ARHGEF28: variants seen among roughly 807,000 people sequenced by gnomAD.
ARHGEF28 encodes the protein Rho guanine nucleotide exchange factor 28, also known as 190 kDa guanine nucleotide exchange factor.
Under a neutral mutation model 206.6 loss-of-function variants are expected in ARHGEF28, and 152 were observed. That is an observed-to-expected ratio of 0.74 (90% CI 0.64 to 0.84). ARHGEF28 has a LOEUF of 0.84. ARHGEF28 is among the 40% of genes least tolerant of loss of function. The pLI is 0.00. For missense variants in ARHGEF28, 2,028 were observed against 2,073.2 expected, an observed-to-expected ratio of 0.98 and a Z score of 0.42; for synonymous variants, 763 against 776.4, an observed-to-expected ratio of 0.98 and a Z score of 0.29.
intron 2 of ARHGEF28, among the ~76,000 whole-genome samples, chr5:73,737,477 C>CTTTTCTT (rs1751037437): frequency 1.8e-5 from 2 of 112,744 alleles, no homozygotes; most frequent in East Asian, 4.8e-4. Flanking sequence ...CTTTTCTTTT[C>CTTTTCTT]TTTTCTTTTC....
intron 2 of ARHGEF28, among the ~76,000 whole-genome samples, chr5:73,731,488 C>T (rs952799527): frequency 6.6e-6 from 1 of 152,280 alleles, no homozygotes; most frequent in East Asian, 1.9e-4. Flanking sequence ...GATACTGTGG[C>T]ACAGTCATCA....
chr5:73,695,425 A>G (rs527332433), intron 2 of ARHGEF28, among the ~76,000 whole-genome samples: 1 of 152,202 alleles, frequency 6.6e-6, no homozygotes, highest in South Asian at 2.1e-4. Context: ...AGACTCCCAC[A>G]TGTGGGCCCT....
intron 9 of ARHGEF28, chr5:73,803,222 C>G (rs1239566352): frequency 6.4e-6 from 1 of 157,278 alleles, no homozygotes; most frequent in Non-Finnish European, 1.5e-5. Flanking sequence ...TGTATACTTA[C>G]TCTGATACTT....
At chr5:73,746,718 G>C (rs1031122904) in intron 2 of ARHGEF28, among the ~76,000 whole-genome samples, 2 of 151,972 alleles carry the variant, frequency 1.3e-5, no homozygotes, top group Admixed American at 6.6e-5. Context: ...TTATTGAATT[G>C]TCCATTCTTT....
chr5:73,928,860 A>C (rs1242069738), intron 35 of ARHGEF28, among the ~76,000 whole-genome samples: 1 of 152,124 alleles, frequency 6.6e-6, no homozygotes, highest in Non-Finnish European at 1.5e-5. Flanking sequence ...TGAGAATACT[A>C]CCCCATTCTT....
intron 1 of ARHGEF28, among the ~76,000 whole-genome samples, chr5:73,627,651 C>T (rs1743089817): frequency 6.6e-6 from 1 of 152,148 alleles, no homozygotes. Context: ...TATGGCAAAA[C>T]CCTTTGGAAT....
chr5:73,837,450 A>G (rs1226700071), intron 10 of ARHGEF28, among the ~76,000 whole-genome samples: 1 of 151,980 alleles, frequency 6.6e-6, no homozygotes, highest in Admixed American at 6.6e-5. Flanking sequence ...TTCTGCTGCC[A>G]TATTTTCTTA....
chr5:73,627,605 G>A (rs1743086878), intron 1 of ARHGEF28, among the ~76,000 whole-genome samples: 1 of 152,240 alleles, frequency 6.6e-6, no homozygotes, highest in East Asian at 1.9e-4. Flanking sequence ...AATAGCCAAA[G>A]TAACCCCTTT....
chr5:73,714,313 G>T (rs1486119477), intron 2 of ARHGEF28, among the ~76,000 whole-genome samples: 1 of 152,190 alleles, frequency 6.6e-6, no homozygotes, highest in Non-Finnish European at 1.5e-5. Flanking sequence ...GTGAGGTGGG[G>T]AATGCAAGAC....
intron 10 of ARHGEF28, 97 bp downstream of exon 10, chr5:73,832,556 T>TTTAGCCTAAGAGCAGCAA: frequency 4.1e-6 from 6 of 1,476,722 alleles, no homozygotes; most frequent in Non-Finnish European, 5.5e-6. Context: ...CTTTGACAAT[T>TTTAGCCTAAGAGCAGCAA]TTAGCCTAAG....
rs78374697 is a variant in ARHGEF28, at chr5:73,724,040, C to G, written c.34-25797C>G. The stretch of plus-strand genomic sequence containing the variant: ...TCCACAGAGGTACCTGTGCCAGGGT[C>G]TGCGGGGGCATCCCAGGCAGGCCTG... On this transcript the variant is annotated intron_variant, in intron 2 of 35. Coordinates refer to ENST00000513042, the MANE Select transcript of ARHGEF28 (RefSeq NM_001177693.2). 1.0e-2 allele frequency among the ~76,000 whole-genome samples: 1,519 copies of G among 152,352 alleles called. 11 individuals carry two copies. Among genetic ancestry groups the G allele is most frequent in the Middle Eastern group, 0.027 (8 of 294 alleles).
Position 73,669,171 on chromosome 5 carries a change from T to C in ARHGEF28, c.-11-15670T>C, listed in dbSNP as rs116130780. ...CAATTCATTCTTAAAGGATAAAGCT[T>C]TTCTGCCACACAAAATAATCCAAAC... On this transcript the variant is annotated intron_variant, in intron 1 of 35. Coordinates refer to ENST00000513042, the MANE Select transcript of ARHGEF28 (RefSeq NM_001177693.2). Among the ~76,000 whole-genome samples the C allele has an allele frequency of 1.5e-3, 230 of 152,310 alleles. 1 individual carries two copies. The highest frequency in any genetic ancestry group is 5.3e-3 in the African/African-American group (219 of 41,564).
intron 9 of ARHGEF28, 43 bp downstream of exon 9, chr5:73,795,434 G>A (rs750922482): frequency 2.3e-5 from 36 of 1,541,464 alleles, no homozygotes; most frequent in Non-Finnish European, 2.9e-5. Context: ...GGGCATCCCA[G>A]ATCCAGGTTT....
At chr5:73,873,306 G>A (rs1170733918) in intron 22 of ARHGEF28, 60 bp downstream of exon 22, 3 of 1,531,770 alleles carry the variant, frequency 2.0e-6, no homozygotes, top group Non-Finnish European at 2.6e-6. Flanking sequence ...ATCAAAATCT[G>A]CCCTTTCATC....
rs183159448 is a variant in ARHGEF28 at position 73,665,242 on chromosome 5, G to A, written c.-11-19599G>A. Among the ~76,000 whole-genome samples the A allele has an allele frequency of 2.9e-3, 445 of 152,250 alleles. 3 individuals carry two copies. Among genetic ancestry groups the A allele is most frequent in the Non-Finnish European group, 4.8e-3 (329 of 68,018 alleles). On this transcript the variant is annotated intron_variant, in intron 1 of 35. Transcript: ENST00000513042. ...TTAAAAATCCACTTACTGGCTTGAA[G>A]TTCACAATACTTAGTAAAACATATC... is the stretch of plus-strand genomic sequence containing the variant.
intron 2 of ARHGEF28, among the ~76,000 whole-genome samples, chr5:73,732,351 A>G (rs1199631250): frequency 2.0e-5 from 3 of 149,068 alleles, no homozygotes; most frequent in Non-Finnish European, 3.0e-5. Flanking sequence ...TTTTTTTTTC[A>G]CTCAGTGACA....
Position 73,911,662 on chromosome 5 carries a change from G to A in ARHGEF28, c.4948+87G>A, listed in dbSNP as rs1042458278. 3 of 1,312,694 alleles carry A rather than the reference G, an allele frequency of 2.3e-6. No homozygotes were observed. The African/African-American group carries it at 4.4e-5, about 19-fold the overall frequency. The allele number at this position is 1,312,694 out of a possible 1,614,324, so 81.3% of individuals were successfully genotyped here. A position where few individuals can be genotyped will look rare whatever the true frequency, so the allele number is the denominator to read the frequency against. On this transcript the variant is annotated intron_variant, in intron 35 of 35. Coordinates refer to ENST00000513042, the MANE Select transcript of ARHGEF28 (RefSeq NM_001177693.2). The stretch of plus-strand genomic sequence containing the variant: ...TGGCTCTTGTGTAGAGTGAATCAAA[G>A]TCCTCCCTAGCATGGGAATAAATCG...
At chr5:73,675,417 T>TGTGTGAAAATGAAAATAAA (rs1280482959) in intron 1 of ARHGEF28, among the ~76,000 whole-genome samples, 2 of 151,972 alleles carry the variant, frequency 1.3e-5, no homozygotes, top group Non-Finnish European at 2.9e-5. Context: ...GAGGTTCCAT[T>TGTGTGAAAATGAAAATAAA]GTGTGAAAAT....
chr5:73,917,840 G>C (rs1384921569), intron 35 of ARHGEF28, among the ~76,000 whole-genome samples: 1 of 152,104 alleles, frequency 6.6e-6, no homozygotes, highest in Non-Finnish European at 1.5e-5. Flanking sequence ...ACACACACAT[G>C]GTCTATGGGC....
Sources: allele counts gnomAD v4.1 joint callset (sites outside exome capture counted in the v4.1 genomes callset), GRCh38; gene constraint gnomAD v4.1.1; transcripts MANE v1.5; gene names NCBI Gene and HGNC (gene_info 2026-07-23, HGNC 2026-07-21).